The following DUSP11 variants were observed in gnomAD, a reference collection of about 807,000 sequenced individuals.
DUSP11 encodes the protein dual specificity phosphatase 11, also known as RNA/RNP complex-1-interacting phosphatase.
In DUSP11, 27 loss-of-function variants were observed where a neutral mutation model predicts 41.4. The ratio of observed to expected loss-of-function variants is 0.65; its 90% CI spans 0.48 to 0.90. DUSP11 has a LOEUF of 0.90. Ranked by LOEUF, DUSP11 falls within the 40% of genes least tolerant of loss-of-function variation. The probability of loss-of-function intolerance (pLI) is 0.00; values close to 1 mark genes in which losing one functional copy is unlikely to be tolerated. For synonymous variants in DUSP11, 188 were observed against 159.3 expected, an observed-to-expected ratio of 1.18 and a Z score of -1.35; for missense variants, 465 against 461.1, an observed-to-expected ratio of 1.01 and a Z score of -0.08.
At chr2:73,765,184 G>A (rs1672435163) in intron 8 of DUSP11, among the ~76,000 whole-genome samples, 1 of 152,074 alleles carries the variant, frequency 6.6e-6, no homozygotes, top group Non-Finnish European at 1.5e-5. Context: ...GTTTGCGTAG[G>A]TACCATCCAA....
exon 8 of DUSP11, chr2:73,766,472 T>C (rs777549183): frequency 1.2e-6 from 2 of 1,614,050 alleles, no homozygotes; most frequent in Non-Finnish European, 1.7e-6. Flanking sequence ...AGGAGCTGAG[T>C]GACCCTGGAT....
At chr2:73,780,032 G>T in exon 1 of DUSP11, 9 of 1,613,830 alleles carry the variant, frequency 5.6e-6, no homozygotes, top group Non-Finnish European at 7.6e-6. Context: ...CCAGTCCGGC[G>T]CCCTCAATGC....
At chr2:73,767,805 A>G (rs1452750593) in intron 5 of DUSP11, 1 of 152,706 alleles carries the variant, frequency 6.5e-6, no homozygotes, top group East Asian at 1.9e-4. Context: ...CAGTTCCTAC[A>G]AACACCTCCC....
Position 73,766,402 on chromosome 2 carries a change from A to G in DUSP11, c.935+16T>C. On this transcript the variant is annotated intron_variant, in intron 8 of 8. Transcript: ENST00000272444. ...TTCTATCTCAATTCTAGAAAAGGGA[A>G]AACAGAGAGAGGTACCTGACTGATT... is the stretch of plus-strand genomic sequence containing the variant. 6.3e-7 allele frequency: 1 copy of G among 1,590,410 alleles called. No individual in the cohort carries two copies. The highest frequency in any genetic ancestry group is 8.5e-7 in the Non-Finnish European group (1 of 1,170,394).
exon 8 of DUSP11, chr2:73,766,448 G>C (rs542695914): frequency 1.2e-6 from 2 of 1,613,138 alleles, no homozygotes; most frequent in Non-Finnish European, 8.5e-7. Context: ...TTGGGTCTGG[G>C]TGTGGAAATG....
At position 73,765,551 on chromosome 2, in the gene DUSP11, CCCACCCAT is replaced by C. The variant is rs1304884571; in HGVS notation, c.935+859_935+866del. Among the ~76,000 whole-genome samples the C allele has an allele frequency of 1.1e-4, 16 of 151,858 alleles. No individual in the cohort carries two copies. The South Asian group carries it at 3.3e-3, about 31-fold the overall frequency. ...ATAAAAAAGCTCCTCCTCCCATCCA[CCCACCCAT>C]CCACCCATCCATCTATCCATCCATC... On this transcript the variant is annotated intron_variant, in intron 8 of 8. Coordinates refer to ENST00000272444, the Ensembl canonical transcript of DUSP11.
intron 8 of DUSP11, among the ~76,000 whole-genome samples, chr2:73,766,046 A>G (rs1363407553): frequency 6.6e-6 from 1 of 152,232 alleles, no homozygotes; most frequent in African/African-American, 2.4e-5. Context: ...GCGGTGGCTC[A>G]CGCCTATAAT....
chr2:73,764,478 T>C (rs944521745), intron 8 of DUSP11, among the ~76,000 whole-genome samples: 13 of 152,160 alleles, frequency 8.5e-5, no homozygotes, highest in African/African-American at 2.9e-4. Flanking sequence ...GCTAAACTGT[T>C]TAAATTCATG....
At chr2:73,775,974 A>G (rs1295130681) in intron 2 of DUSP11, among the ~76,000 whole-genome samples, 1 of 152,060 alleles carries the variant, frequency 6.6e-6, no homozygotes. Flanking sequence ...CGGCCTCACA[A>G]ATAAATATTT....
In DUSP11 at chr2:73,769,256, G is replaced by A; in HGVS notation, c.635+9C>T. ...TTAAAATGGTCTGCCTCTGGGGTTG[G>A]CAACTTACCTGCAAATGAGGTAGCC... On this transcript the variant is annotated intron_variant, in intron 5 of 8. Coordinates refer to ENST00000272444, the Ensembl canonical transcript of DUSP11. The A allele has an allele frequency of 6.2e-7, 1 of 1,611,470 alleles. No individual in the cohort carries two copies. The highest frequency in any genetic ancestry group is 1.1e-5 in the South Asian group (1 of 90,828).
chr2:73,779,858 G>A lies in DUSP11; in HGVS notation c.242+16C>T, dbSNP rs763871726. The A allele has an allele frequency of 9.9e-6, 16 of 1,613,930 alleles. No homozygotes were observed. The highest frequency in any genetic ancestry group is 5.5e-5 in the South Asian group (5 of 91,062). The stretch of plus-strand genomic sequence containing the variant: ...ACGAGCTGGAAAGGCCACGCCAAGG[G>A]ACCAAGACATACTACCTTTCGGGGA... On this transcript the variant is annotated intron_variant, in intron 1 of 8. Coordinates refer to ENST00000272444, the Ensembl canonical transcript of DUSP11.
intron 1 of DUSP11, 155 bp downstream of exon 1, chr2:73,779,719 A>G (rs1573187726): frequency 2.6e-6 from 3 of 1,140,080 alleles, no homozygotes; most frequent in Non-Finnish European, 3.7e-6. Context: ...CCTTTCAGCT[A>G]CAGCGGGTGG....
chr2:73,778,504 G>C, intron 1 of DUSP11, 128 bp from the exon 2 acceptor site: 3 of 536,100 alleles, frequency 5.6e-6, no homozygotes, highest in Non-Finnish European at 9.4e-6. Context: ...TTTGCATTTC[G>C]CCACTCCACT....
chr2:73,774,172 T>C (rs1672636485), intron 3 of DUSP11, among the ~76,000 whole-genome samples: 1 of 152,218 alleles, frequency 6.6e-6, no homozygotes, highest in Admixed American at 6.5e-5. Flanking sequence ...AAATTCCATG[T>C]GAATGAATGC....
intron 8 of DUSP11, among the ~76,000 whole-genome samples, chr2:73,764,822 C>G (rs961952467): frequency 1.3e-5 from 2 of 152,120 alleles, no homozygotes; most frequent in African/African-American, 2.4e-5. Flanking sequence ...CAAAAGTTAG[C>G]TGGGCGTGGT....
chr2:73,779,590 G>A (rs1672753808), intron 1 of DUSP11: 1 of 488,564 alleles, frequency 2.0e-6, no homozygotes. Context: ...ATTAAGGAGT[G>A]TCCCCAACAG....
intron 8 of DUSP11, among the ~76,000 whole-genome samples, chr2:73,764,776 G>A (rs1013325173): frequency 6.6e-6 from 1 of 152,192 alleles, no homozygotes; most frequent in African/African-American, 2.4e-5. Flanking sequence ...AGACCAGCCT[G>A]GCCAACATGG....
At chr2:73,778,241 G>A (rs375284952) in intron 2 of DUSP11, 60 bp downstream of exon 2, 10 of 1,074,490 alleles carry the variant, frequency 9.3e-6, no homozygotes, top group Non-Finnish European at 1.1e-5. Flanking sequence ...AGAGTGGAGA[G>A]CAGTGTTCTG....
At chr2:73,776,031 CT>C (rs1407726858) in intron 2 of DUSP11, among the ~76,000 whole-genome samples, 3 of 151,998 alleles carry the variant, frequency 2.0e-5, no homozygotes, top group African/African-American at 7.3e-5. Context: ...GCTGAATATT[CT>C]TTTATGTATG....
Sources: gnomAD v4.1 joint callset for allele counts (sites outside exome capture counted in the v4.1 genomes callset) on GRCh38, gnomAD v4.1.1 for gene constraint, MANE v1.5 for transcripts, NCBI Gene and HGNC (gene_info 2026-07-23, HGNC 2026-07-21) for gene names.